The following AAMDC variants were observed in gnomAD, a reference collection of about 807,000 sequenced individuals.
The protein encoded by AAMDC is mth938 domain-containing protein.
AAMDC carries 16 observed loss-of-function variants against 15.5 expected under a neutral mutation model. The ratio of observed to expected loss-of-function variants is 1.03; its 90% CI spans 0.70 to 1.57. The LOEUF is 1.57. AAMDC is among the 40% of genes most tolerant of loss of function. AAMDC has a pLI of 0.00. For synonymous variants in AAMDC, 51 were observed against 51.6 expected, an observed-to-expected ratio of 0.99 and a Z score of 0.05; for missense variants, 141 against 144.9, an observed-to-expected ratio of 0.97 and a Z score of 0.14.
chr11:77,854,400 A>G (rs1376381296), intron 2 of AAMDC, among the ~76,000 whole-genome samples: 3 of 152,160 alleles, frequency 2.0e-5, no homozygotes, highest in Admixed American at 6.5e-5. Context: ...AAGATCAAAA[A>G]CAGTTAGTTA....
At chr11:77,836,692 G>A (rs1949695588) in intron 1 of AAMDC, among the ~76,000 whole-genome samples, 2 of 152,198 alleles carry the variant, frequency 1.3e-5, no homozygotes, top group South Asian at 2.1e-4. Context: ...GTGGCCGGGC[G>A]CAGCGGCTTA....
intron 5 of AAMDC, among the ~76,000 whole-genome samples, chr11:77,884,362 A>G (rs1175266996): frequency 1.3e-5 from 2 of 152,166 alleles, no homozygotes; most frequent in Non-Finnish European, 1.5e-5. Flanking sequence ...TTTCCACTAC[A>G]TTGCAAGCAG....
intron 2 of AAMDC, among the ~76,000 whole-genome samples, chr11:77,851,846 T>C (rs767244410): frequency 2.1e-4 from 32 of 152,148 alleles, no homozygotes; most frequent in Non-Finnish European, 4.0e-4. Flanking sequence ...GTTTATAAAT[T>C]ACCATCTCAG....
downstream of AAMDC, chr11:77,903,740 C>G: frequency 1.4e-6 from 1 of 696,616 alleles, no homozygotes; most frequent in Non-Finnish European, 2.5e-6. Context: ...CTCAATTGAT[C>G]TTATTCTTTT....
chr11:77,903,846 C>A (rs1952856750), downstream of AAMDC, among the ~76,000 whole-genome samples: 2 of 152,148 alleles, frequency 1.3e-5, no homozygotes, highest in African/African-American at 4.8e-5. Flanking sequence ...GGCCCAAAGG[C>A]TCTGTGTCCC....
intron 2 of AAMDC, among the ~76,000 whole-genome samples, chr11:77,845,078 A>G (rs761933318): frequency 2.0e-5 from 3 of 152,148 alleles, no homozygotes; most frequent in African/African-American, 4.8e-5. Flanking sequence ...AGGTATGGAT[A>G]TCTTTGAGTT....
At chr11:77,855,881 G>A (rs1325740733) in intron 2 of AAMDC, among the ~76,000 whole-genome samples, 2 of 151,958 alleles carry the variant, frequency 1.3e-5, no homozygotes. Context: ...TATGAGGTGG[G>A]CCAAGGTGAG....
chr11:77,862,788 T>C (rs2136260097), intron 2 of AAMDC, among the ~76,000 whole-genome samples: 1 of 152,346 alleles, frequency 6.6e-6, no homozygotes, highest in South Asian at 2.1e-4. Context: ...TAATTTATAC[T>C]TCCCTCAGGA....
chr11:77,872,318 G>C lies in AAMDC; in HGVS notation c.*3G>C. 1 of 1,610,392 alleles carries C rather than the reference G, an allele frequency of 6.2e-7. No individual in the cohort carries two copies. Among genetic ancestry groups the C allele is most frequent in the South Asian group, 1.1e-5 (1 of 90,482 alleles). On this transcript the variant is annotated 3_prime_UTR_variant, in exon 4 of 4. Coordinates refer to ENST00000393427, the MANE Select transcript of AAMDC (RefSeq NM_024684.4). ...GTGTCTTCCATTCCACCTGCTGATG[G>C]AGCCTTAAGAGGAGAATAAATCACT...
intron 2 of AAMDC, among the ~76,000 whole-genome samples, chr11:77,852,956 G>GAAAAT (rs1385263194): frequency 2.0e-5 from 3 of 151,996 alleles, no homozygotes; most frequent in African/African-American, 7.2e-5. Context: ...ATGGGTACTC[G>GAAAAT]ATTGCTTTCA....
intron 5 of AAMDC, chr11:77,900,492 G>T (rs747304472): frequency 1.7e-6 from 1 of 577,572 alleles, no homozygotes; most frequent in Non-Finnish European, 3.1e-6. Flanking sequence ...TTTTCAGGAT[G>T]TTATTTCTGA....
At chr11:77,899,342 GAAAGAAAAA>G (rs1250896473) in intron 5 of AAMDC, among the ~76,000 whole-genome samples, 3 of 150,576 alleles carry the variant, frequency 2.0e-5, no homozygotes, top group Non-Finnish European at 4.4e-5. Context: ...CAAAACCTAA[GAAAGAAAAA>G]AAAGAAAAAA....
intron 5 of AAMDC, among the ~76,000 whole-genome samples, chr11:77,884,182 CAG>C (rs1365604173): frequency 6.6e-6 from 1 of 152,108 alleles, no homozygotes; most frequent in South Asian, 2.1e-4. Context: ...GTAATATGAA[CAG>C]AGTGTCTCTA....
intron 2 of AAMDC, among the ~76,000 whole-genome samples, chr11:77,846,742 A>G (rs1236035254): frequency 6.6e-6 from 1 of 152,224 alleles, no homozygotes; most frequent in African/African-American, 2.4e-5. Flanking sequence ...AAGTTCTTTC[A>G]GTAAGGATTT....
chr11:77,840,351 A>G (rs1258740664), intron 1 of AAMDC, among the ~76,000 whole-genome samples: 2 of 152,092 alleles, frequency 1.3e-5, no homozygotes, highest in African/African-American at 2.4e-5. Flanking sequence ...CAACATAGTG[A>G]AACCCTGTCT....
chr11:77,882,827 T>A (rs182775970), intron 5 of AAMDC, among the ~76,000 whole-genome samples: 6 of 152,240 alleles, frequency 3.9e-5, no homozygotes, highest in Admixed American at 2.0e-4. Context: ...TCCCACTACT[T>A]TGGGAGGCCA....
At position 77,825,801 on chromosome 11, in the gene AAMDC, C is replaced by T. The variant is rs201562723; in HGVS notation, c.-19+4560C>T. Among the ~76,000 whole-genome samples, 41 of 151,784 alleles carry T rather than the reference C, an allele frequency of 2.7e-4. No homozygotes were observed. The East Asian group carries it at 6.8e-3, about 25-fold the overall frequency. On this transcript the variant is annotated intron_variant, in intron 1 of 3. Coordinates refer to ENST00000393427, the MANE Select transcript of AAMDC (RefSeq NM_024684.4). The stretch of plus-strand genomic sequence containing the variant: ...CTGCCTCCTAAGTTCAAGTGATTCT[C>T]CTGCCTCAGCCTCCCAAGTAGCTGG...
At chr11:77,883,986 G>A in intron 5 of AAMDC, 1 of 1,602,670 alleles carries the variant, frequency 6.2e-7, no homozygotes, top group Non-Finnish European at 8.5e-7. Context: ...AAAGGCAGAA[G>A]CGAGAGGAGC....
At chr11:77,863,609 G>C (rs777732129) in intron 2 of AAMDC, among the ~76,000 whole-genome samples, 8 of 152,088 alleles carry the variant, frequency 5.3e-5, no homozygotes, top group Admixed American at 3.9e-4. Context: ...GGATGGTCTT[G>C]AACTCCTGGC....
Sources: allele counts gnomAD v4.1 joint callset (sites outside exome capture counted in the v4.1 genomes callset), GRCh38; gene constraint gnomAD v4.1.1; transcripts MANE v1.5; gene names NCBI Gene and HGNC (gene_info 2026-07-23, HGNC 2026-07-21).